Variants in KIAA0753 observed in about 807,000 individuals in gnomAD.
KIAA0753 encodes protein moonraker.
A neutral mutation model predicts 116.9 loss-of-function variants in KIAA0753; 114 were observed. The ratio of observed to expected loss-of-function variants is 0.98; its 90% CI spans 0.84 to 1.14. KIAA0753 has a LOEUF of 1.14. Ranked by LOEUF, KIAA0753 falls within the 50% of genes most tolerant of loss-of-function variation. KIAA0753 has a pLI of 0.00. For missense variants in KIAA0753, 1,156 were observed against 1,172.4 expected (o/e 0.99, Z 0.20); for synonymous variants, 405 against 413.1 (o/e 0.98, Z 0.24).
chr17:6,590,921 C>T (rs780161655), intron 16 of KIAA0753, among the ~76,000 whole-genome samples: 19 of 151,382 alleles, frequency 1.3e-4, no homozygotes, highest in Non-Finnish European at 2.6e-4. Flanking sequence ...CATTAGGACC[C>T]AGCCACCCAC....
rs747339578 is a variant in KIAA0753, at chr17:6,628,404, A to G, written c.431T>C (p.Val144Ala). 6.2e-7 allele frequency: 1 copy of G among 1,613,704 alleles called. No individual in the cohort carries two copies. Among genetic ancestry groups the G allele is most frequent in the South Asian group, 1.1e-5 (1 of 91,048 alleles). ...HTKYKIPDHR[V>A]ERKESKSQAA... The stretch of plus-strand genomic sequence containing the variant: ...TTGACTCTTTGATTCCTTCCTTTCC[A>G]CCCTGTGGTCGGGTATTTTATACTT... The change falls in exon 3 of 19, where the codon GTG (valine) becomes GCG (alanine). Residue 144 changes from valine to alanine, a missense_variant. By Grantham distance (64) the Val-to-Ala change is moderately conservative. Coordinates refer to ENST00000361413, the MANE Select transcript of KIAA0753 (RefSeq NM_014804.3).
In KIAA0753 at chr17:6,628,742, C is replaced by A; in HGVS notation, c.94-1G>T. On this transcript the variant is annotated splice_acceptor_variant, in intron 2 of 18. Coordinates refer to ENST00000361413, the MANE Select transcript of KIAA0753 (RefSeq NM_014804.3). LOFTEE classifies it high-confidence loss of function. ...CATTCCTATTAAACTGCAGCTGGTT[C>A]TTTAAAAAGCAAATAAAAGTAAGCA... The A allele has an allele frequency of 6.3e-7, 1 of 1,577,756 alleles. No individual in the cohort carries two copies. The highest frequency in any genetic ancestry group is 8.6e-7 in the Non-Finnish European group (1 of 1,163,394).
intron 7 of KIAA0753, among the ~76,000 whole-genome samples, chr17:6,612,641 G>A (rs1970630260): frequency 6.6e-6 from 1 of 152,214 alleles, no homozygotes. Context: ...GCTGAGGCAG[G>A]TGGATCACCT....
intron 7 of KIAA0753, among the ~76,000 whole-genome samples, chr17:6,618,287 T>C (rs1971069190): frequency 6.6e-6 from 1 of 152,188 alleles, no homozygotes; most frequent in African/African-American, 2.4e-5. Flanking sequence ...CTGTATCTTC[T>C]ATAACACCCT....
At chr17:6,629,994 T>C (rs918503054) in intron 2 of KIAA0753, among the ~76,000 whole-genome samples, 3 of 152,092 alleles carry the variant, frequency 2.0e-5, no homozygotes, top group African/African-American at 4.8e-5. Flanking sequence ...TGATGGCACA[T>C]GCCTGTAATC....
chr17:6,624,980 A>T (rs1971572406), intron 3 of KIAA0753, 119 bp from the exon 4 acceptor site: 3 of 696,932 alleles, frequency 4.3e-6, no homozygotes, highest in Non-Finnish European at 7.1e-6. Context: ...ATTAAGAAAA[A>T]AATGAGGCTA....
chr17:6,594,283 C>A (rs770275354), intron 16 of KIAA0753, among the ~76,000 whole-genome samples: 16 of 149,890 alleles, frequency 1.1e-4, no homozygotes, highest in East Asian at 2.0e-4. Flanking sequence ...TCTGACCCCC[C>A]CCCCCAGAAC....
rs759235282 is a variant in KIAA0753, at chr17:6,579,885, CTAAAGGTA to C, written c.2787-29_2787-22del. 3 of 1,591,852 alleles carry C rather than the reference CTAAAGGTA, an allele frequency of 1.9e-6. No homozygotes were observed. The South Asian group carries it at 3.3e-5, about 18-fold the overall frequency. On this transcript the variant is annotated intron_variant, in intron 18 of 18. Transcript: ENST00000361413. ...AAAAGCTGGAAGACAAACAACACAA[CTAAAGGTA>C]TGTACAAGGCCAGGCGCGGTGGCTC...
intron 2 of KIAA0753, among the ~76,000 whole-genome samples, chr17:6,633,384 C>T (rs997439724): frequency 2.0e-5 from 3 of 152,152 alleles, no homozygotes; most frequent in Non-Finnish European, 2.9e-5. Flanking sequence ...AAAGAGACAA[C>T]AACAAGTGTT....
In KIAA0753 at chr17:6,608,442, T is replaced by G; in HGVS notation, c.1735A>C (p.Thr579Pro). The G allele has an allele frequency of 6.4e-7, 1 of 1,554,420 alleles. No individual in the cohort carries two copies. The highest frequency in any genetic ancestry group is 8.7e-7 in the Non-Finnish European group (1 of 1,145,770). Residue 579 changes from threonine (T) to proline (P), a missense_variant, in exon 10 of 19, where the codon ACT becomes CCT. By Grantham distance (38) the Thr-to-Pro change is conservative (BLOSUM62 -1). Transcript: ENST00000361413. ...TCTTTTGTGGCATCTCTGGGGCTAG[T>G]TTTCACCTTTAGCCATGCAGCACTG... ...PKCAAWLKVK[T>P]SPRDATKEPL...
Position 6,628,390 on chromosome 17 carries a change from A to G in KIAA0753, c.445T>C (p.Ser149Pro). The change falls in exon 3 of 19, where the codon TCA (serine) becomes CCA (proline). Residue 149 changes from serine (S) to proline (P), a missense_variant. Physicochemically the swap from Ser to Pro is moderately conservative, Grantham distance 74 (BLOSUM62 -1). Coordinates refer to ENST00000361413, the MANE Select transcript of KIAA0753 (RefSeq NM_014804.3). ...CACTGACAGGCTGCTTGACTCTTTG[A>G]TTCCTTCCTTTCCACCCTGTGGTCG... is the stretch of plus-strand genomic sequence containing the variant. ...IPDHRVERKE[S>P]KSQAACQCSH... is the part of the protein sequence containing the mutation. The G allele has an allele frequency of 6.2e-7, 1 of 1,614,128 alleles. No individual in the cohort carries two copies. Among genetic ancestry groups the G allele is most frequent in the Non-Finnish European group, 8.5e-7 (1 of 1,180,010 alleles).
In KIAA0753 at chr17:6,627,717, A is replaced by C. The variant is rs534181244; in HGVS notation, c.718+400T>G. On this transcript the variant is annotated intron_variant, in intron 3 of 18. Transcript: ENST00000361413. ...CCAAGTGAGAACTGGTTTTACCTAT[A>C]ATATAAATACATTATGCTCTCTTTT... Among the ~76,000 whole-genome samples, 17 of 152,348 alleles carry C rather than the reference A, an allele frequency of 1.1e-4. No homozygotes were observed. The South Asian group carries it at 1.4e-3, about 13-fold the overall frequency.
chr17:6,598,626 C>T (rs1416022168), intron 14 of KIAA0753, among the ~76,000 whole-genome samples: 2 of 152,196 alleles, frequency 1.3e-5, no homozygotes, highest in African/African-American at 4.8e-5. Flanking sequence ...ATGCAACTTG[C>T]ACCTTCTGCT....
chr17:6,607,162 C>T lies in KIAA0753; in HGVS notation c.1919+19G>A. On this transcript the variant is annotated intron_variant, in intron 11 of 18. Transcript: ENST00000361413. ...AATAGGCCTGCTTACCTTTTCCTAACTCAGAAGCAAATATTTACCTCTGTT... is the reference window on the plus strand; with the variant it reads ...AATAGGCCTGCTTACCTTTTCCTAATTCAGAAGCAAATATTTACCTCTGTT... 1.2e-6 allele frequency: 2 copies of T among 1,601,302 alleles called. No individual in the cohort carries two copies. Among genetic ancestry groups the T allele is most frequent in the South Asian group, 2.2e-5 (2 of 90,818 alleles).
At chr17:6,635,272 C>T (rs1040259643) in intron 1 of KIAA0753, 101 bp from the exon 2 acceptor site, 2 of 493,640 alleles carry the variant, frequency 4.1e-6, no homozygotes, top group African/African-American at 3.8e-5. Context: ...CTAGAAGTAG[C>T]CAATAGTAAC....
At chr17:6,616,767 A>C (rs1282061395) in intron 7 of KIAA0753, among the ~76,000 whole-genome samples, 1 of 152,234 alleles carries the variant, frequency 6.6e-6, no homozygotes, top group Non-Finnish European at 1.5e-5. Context: ...CGGGGGTTGC[A>C]GTGAGCTGAG....
At chr17:6,590,406 A>C in intron 17 of KIAA0753, 104 bp downstream of exon 17, 1 of 1,391,910 alleles carries the variant, frequency 7.2e-7, no homozygotes, top group Non-Finnish European at 9.9e-7. Flanking sequence ...TCTTGCTCAA[A>C]GGAAGAATTT....
intron 12 of KIAA0753, among the ~76,000 whole-genome samples, chr17:6,603,625 C>T (rs1479282213): frequency 1.3e-5 from 2 of 152,168 alleles, no homozygotes; most frequent in Admixed American, 6.5e-5. Context: ...AGGCACATCA[C>T]CTAGGGACAC....
intron 7 of KIAA0753, among the ~76,000 whole-genome samples, chr17:6,619,568 A>G (rs1384806149): frequency 1.3e-5 from 2 of 152,074 alleles, no homozygotes; most frequent in Non-Finnish European, 2.9e-5. Context: ...CTGGGATCAC[A>G]GGCATGAGCC....
Sources: allele counts gnomAD v4.1 joint callset (sites outside exome capture counted in the v4.1 genomes callset), GRCh38; gene constraint gnomAD v4.1.1; transcripts MANE v1.5; gene names NCBI Gene and HGNC (gene_info 2026-07-23, HGNC 2026-07-21).